Variants in AK7 observed in about 807,000 individuals in gnomAD.
The protein encoded by AK7 is adenylate kinase 7.
A neutral mutation model predicts 96.6 loss-of-function variants in AK7; 78 were observed. The ratio of observed to expected loss-of-function variants is 0.81; its 90% CI spans 0.67 to 0.97. The LOEUF (loss-of-function observed/expected upper bound fraction) is 0.97, where lower values mean the gene tolerates loss of function less well. Among genes scored for constraint, AK7 ranks in the 50% least tolerant of loss-of-function variants. The pLI, the probability that AK7 is intolerant of heterozygous loss-of-function variation, is 0.00. For missense variants in AK7, 855 were observed against 887.9 expected (o/e 0.96, Z 0.47); for synonymous variants, 302 against 317.2 (o/e 0.95, Z 0.51).
chr14:96,474,200 A>G (rs2140161225), intron 14 of AK7, among the ~76,000 whole-genome samples: 1 of 152,272 alleles, frequency 6.6e-6, no homozygotes, highest in Middle Eastern at 3.4e-3. Flanking sequence ...GTCCCCGAGG[A>G]AGGCAGCTTG....
At chr14:96,434,499 A>G (rs1892534652) in intron 5 of AK7, among the ~76,000 whole-genome samples, 1 of 151,212 alleles carries the variant, frequency 6.6e-6, no homozygotes, top group Non-Finnish European at 1.5e-5. Flanking sequence ...GACACAAGCA[A>G]CCCTGTAGCC....
In AK7 at chr14:96,450,311, G is replaced by A. The variant is rs532145634; in HGVS notation, c.948+432G>A. ...CATGCCTGTAATCCCAGTTACTTGG[G>A]AGGCTGAGACAGGAGAATCGCTTGA... On this transcript the variant is annotated intron_variant, in intron 9 of 17. Transcript: ENST00000267584. Among the ~76,000 whole-genome samples, 5 of 152,056 alleles carry A rather than the reference G, an allele frequency of 3.3e-5. No individual in the cohort carries two copies. In the East Asian group the frequency reaches 9.7e-4, roughly 29 times the overall value.
In AK7 at chr14:96,471,595, A is replaced by T. The variant is rs768460103; in HGVS notation, c.1475A>T (p.Asp492Val). The T allele has an allele frequency of 1.9e-6, 3 of 1,569,822 alleles. No homozygotes were observed. Among genetic ancestry groups the T allele is most frequent in the South Asian group, 2.5e-5 (2 of 81,628 alleles). The change falls in exon 13 of 18, where the codon GAC becomes GTC. Residue 492 changes from aspartate (D) to valine (V), a missense_variant. Physicochemically the swap from Asp to Val is radical, Grantham distance 152. Transcript: ENST00000267584. ...GFPKTYDQAK[D>V]LFNQEDEEEE... ...CCAAAGACCTATGATCAAGCAAAAG[A>T]CCTGTTCAATCGTAAGTTTGAGTGT...
chr14:96,442,707 G>A (rs759421358), intron 6 of AK7, 23 bp from the exon 7 acceptor site: 1 of 1,594,294 alleles, frequency 6.3e-7, no homozygotes, highest in Non-Finnish European at 8.6e-7. Context: ...TGGGGGACAT[G>A]ATTTTGCTTT....
intron 12 of AK7, among the ~76,000 whole-genome samples, chr14:96,462,744 A>T (rs555552036): frequency 1.2e-3 from 186 of 152,312 alleles, no homozygotes; most frequent in African/African-American, 4.4e-3. Context: ...TGATGTCTCT[A>T]CTGTACATGG....
At chr14:96,449,605 TGTATTTTTC>T (rs956194193) in intron 8 of AK7, among the ~76,000 whole-genome samples, 188 bp from the exon 9 acceptor site, 3 of 152,186 alleles carry the variant, frequency 2.0e-5, no homozygotes, top group African/African-American at 7.2e-5. Flanking sequence ...GGCTAACTTT[TGTATTTTTC>T]GTAGAGACGG....
chr14:96,435,320 G>A (rs1055452382), intron 5 of AK7, among the ~76,000 whole-genome samples: 22 of 152,032 alleles, frequency 1.4e-4, no homozygotes, highest in Admixed American at 9.8e-4. Flanking sequence ...GATGAATGCT[G>A]CCGAGACTAG....
intron 2 of AK7, 166 bp downstream of exon 2, chr14:96,398,429 C>A: frequency 1.5e-6 from 1 of 684,728 alleles, no homozygotes; most frequent in East Asian, 2.7e-5. Flanking sequence ...ACCTCACAGA[C>A]CCCACTTTTA....
chr14:96,455,991 C>T (rs1439484745), intron 10 of AK7, among the ~76,000 whole-genome samples: 2 of 152,038 alleles, frequency 1.3e-5, no homozygotes, highest in African/African-American at 2.4e-5. Context: ...GTAATCCCAG[C>T]ACTTTGGGAA....
chr14:96,485,942 C>G (rs1324539516), intron 16 of AK7, among the ~76,000 whole-genome samples: 2 of 152,090 alleles, frequency 1.3e-5, no homozygotes, highest in African/African-American at 2.4e-5. Context: ...ACTACAGGTG[C>G]CCGCCACCGC....
chr14:96,394,871 G>A (rs1889974141), intron 1 of AK7, among the ~76,000 whole-genome samples: 1 of 152,158 alleles, frequency 6.6e-6, no homozygotes, highest in Non-Finnish European at 1.5e-5. Context: ...AGCTACTCCA[G>A]AGGCCGAGGC....
chr14:96,400,386 A>C (rs1348914268), intron 2 of AK7, among the ~76,000 whole-genome samples: 1 of 152,114 alleles, frequency 6.6e-6, no homozygotes, highest in Non-Finnish European at 1.5e-5. Flanking sequence ...TTTATTAAAG[A>C]CCTTGCTATC....
Position 96,449,960 on chromosome 14 carries a change from G to C in AK7, c.948+81G>C, listed in dbSNP as rs1893495918. ...ATTGTTATTTTTTTAATATCAGATA[G>C]GTTTTGGCTAAATAACATTGATCTG... On this transcript the variant is annotated intron_variant, in intron 9 of 17. Transcript: ENST00000267584. 6 of 1,147,536 alleles carry C rather than the reference G, an allele frequency of 5.2e-6. No individual in the cohort carries two copies. The East Asian group carries it at 1.5e-4, about 30-fold the overall frequency. 71.1% of individuals were successfully genotyped at this position (1,147,536 alleles called of 1,614,324 possible).
At chr14:96,393,965 C>T (rs377723092) in intron 1 of AK7, among the ~76,000 whole-genome samples, 3 of 151,996 alleles carry the variant, frequency 2.0e-5, no homozygotes, top group South Asian at 4.1e-4. Context: ...AAAAATTAAC[C>T]GGGCGTGGTG....
chr14:96,482,558 G>C (rs888427233), intron 15 of AK7, among the ~76,000 whole-genome samples: 1 of 152,142 alleles, frequency 6.6e-6, no homozygotes, highest in Non-Finnish European at 1.5e-5. Context: ...TCACTGAAAT[G>C]GTTATTTTTT....
At chr14:96,478,940 G>A (rs116171880) in intron 15 of AK7, among the ~76,000 whole-genome samples, 5 of 150,100 alleles carry the variant, frequency 3.3e-5, no homozygotes, top group South Asian at 2.1e-4. Context: ...ATGGAGTCTC[G>A]CTCAGTTGCC....
intron 12 of AK7, among the ~76,000 whole-genome samples, chr14:96,458,934 A>AAAG (rs1894099003): frequency 6.4e-5 from 8 of 124,990 alleles, no homozygotes; most frequent in South Asian, 2.6e-4. Context: ...AAAAAAAAAA[A>AAAG]AAAAGGTGAA....
chr14:96,402,019 T>C (rs1032377876), intron 2 of AK7, among the ~76,000 whole-genome samples: 2 of 152,204 alleles, frequency 1.3e-5, no homozygotes, highest in African/African-American at 4.8e-5. Flanking sequence ...ATGTTGGCTG[T>C]CCTGGGCCCC....
At chr14:96,402,617 A>G (rs1890480159) in intron 2 of AK7, among the ~76,000 whole-genome samples, 1 of 152,046 alleles carries the variant, frequency 6.6e-6, no homozygotes, top group Non-Finnish European at 1.5e-5. Context: ...TTCCTTTCCC[A>G]CTGTCATGCT....
Sources: gnomAD v4.1 joint callset for allele counts (sites outside exome capture counted in the v4.1 genomes callset) on GRCh38, gnomAD v4.1.1 for gene constraint, MANE v1.5 for transcripts, NCBI Gene and HGNC (gene_info 2026-07-23, HGNC 2026-07-21) for gene names.